CDK6: variants seen among roughly 807,000 people sequenced by gnomAD.
CDK6 encodes the protein cyclin dependent kinase 6, also known as cyclin-dependent kinase 6.
Under a neutral mutation model 37.1 loss-of-function variants are expected in CDK6, and 6 were observed. That is an observed-to-expected ratio of 0.16 (90% CI 0.09 to 0.32). The LOEUF (loss-of-function observed/expected upper bound fraction) is 0.32. Among genes scored for constraint, CDK6 ranks in the 10% least tolerant of loss-of-function variants. CDK6 has a pLI of 1.00. For synonymous variants in CDK6, 160 were observed against 161.3 expected (o/e 0.99, Z 0.06); for missense variants, 224 against 418.9 (o/e 0.53, Z 4.06).
At chr7:92,624,865 C>A (rs1382287159) in intron 5 of CDK6, among the ~76,000 whole-genome samples, 1 of 152,078 alleles carries the variant, frequency 6.6e-6, no homozygotes, top group Non-Finnish European at 1.5e-5. Flanking sequence ...GTACAATTAT[C>A]CCTATTTTCA....
At chr7:92,830,694 G>A (rs539575474) in intron 2 of CDK6, among the ~76,000 whole-genome samples, 1 of 152,286 alleles carries the variant, frequency 6.6e-6, no homozygotes, top group East Asian at 1.9e-4. Context: ...CAAGGCAGAG[G>A]CAGAAGAGAA....
chr7:92,723,412 T>TA (rs910150696), intron 4 of CDK6, among the ~76,000 whole-genome samples: 1 of 152,102 alleles, frequency 6.6e-6, no homozygotes. Context: ...CATAACCCAC[T>TA]AAAAAATGTG....
intron 4 of CDK6, among the ~76,000 whole-genome samples, chr7:92,722,840 A>G (rs1357726894): frequency 6.6e-6 from 1 of 152,206 alleles, no homozygotes; most frequent in Non-Finnish European, 1.5e-5. Context: ...GCCTTCGAGG[A>G]ACTTATGGCC....
intron 2 of CDK6, among the ~76,000 whole-genome samples, chr7:92,824,812 TC>T (rs1205178463): frequency 4.6e-5 from 7 of 152,122 alleles, no homozygotes; most frequent in Non-Finnish European, 7.4e-5. Context: ...TTTCATTTGA[TC>T]AGAGTAAACC....
At chr7:92,829,032 A>C (rs1801408446) in intron 2 of CDK6, among the ~76,000 whole-genome samples, 2 of 152,168 alleles carry the variant, frequency 1.3e-5, no homozygotes, top group African/African-American at 4.8e-5. Flanking sequence ...CACAAATAGC[A>C]ATTTTATTCA....
chr7:92,809,703 T>A (rs1055159530), intron 2 of CDK6, among the ~76,000 whole-genome samples: 1 of 152,170 alleles, frequency 6.6e-6, no homozygotes, highest in Non-Finnish European at 1.5e-5. Flanking sequence ...AAGTATCTAA[T>A]CCAGTGTGAA....
chr7:92,670,518 A>T (rs888652438), intron 5 of CDK6, among the ~76,000 whole-genome samples: 7 of 152,268 alleles, frequency 4.6e-5, no homozygotes, highest in African/African-American at 1.7e-4. Flanking sequence ...TAGAAAAGAA[A>T]AAAAAGATTA....
intron 2 of CDK6, among the ~76,000 whole-genome samples, chr7:92,816,692 A>G (rs1801038488): frequency 6.6e-6 from 1 of 152,068 alleles, no homozygotes; most frequent in Non-Finnish European, 1.5e-5. Flanking sequence ...ATTAAACCCA[A>G]TGTAAGTAGG....
intron 2 of CDK6, among the ~76,000 whole-genome samples, chr7:92,784,330 T>TA (rs1325064444): frequency 6.6e-6 from 1 of 152,090 alleles, no homozygotes. Context: ...CAATACAAAA[T>TA]AGATTTGGAA....
chr7:92,674,567 C>T (rs531915050), intron 4 of CDK6, among the ~76,000 whole-genome samples: 2 of 152,174 alleles, frequency 1.3e-5, no homozygotes, highest in Non-Finnish European at 2.9e-5. Flanking sequence ...ATACTGGGGT[C>T]TAGTTTTAGT....
At chr7:92,625,618 T>C (rs1795911343) in intron 5 of CDK6, among the ~76,000 whole-genome samples, 1 of 151,938 alleles carries the variant, frequency 6.6e-6, no homozygotes, top group Admixed American at 6.6e-5. Context: ...ATAAATTTTC[T>C]CAGGTCAAAT....
intron 3 of CDK6, among the ~76,000 whole-genome samples, chr7:92,729,156 A>G (rs1026192728): frequency 7.2e-5 from 11 of 152,256 alleles, no homozygotes; most frequent in Admixed American, 3.3e-4. Context: ...AAGTGTTTTC[A>G]TCAAAGACAT....
At chr7:92,776,692 G>A (rs2115794989) in intron 2 of CDK6, among the ~76,000 whole-genome samples, 1 of 152,056 alleles carries the variant, frequency 6.6e-6, no homozygotes, top group East Asian at 1.9e-4. Context: ...TATGTTTGTT[G>A]GCCTCATAAA....
chr7:92,832,156 AAAAAG>A (rs1801502502), intron 2 of CDK6, among the ~76,000 whole-genome samples: 1 of 152,220 alleles, frequency 6.6e-6, no homozygotes, highest in Non-Finnish European at 1.5e-5. Context: ...TCTCTGTTTA[AAAAAG>A]AAAAGGATGA....
chr7:92,693,812 C>A (rs1797648629), intron 4 of CDK6, among the ~76,000 whole-genome samples: 1 of 152,028 alleles, frequency 6.6e-6, no homozygotes, highest in Admixed American at 6.6e-5. Flanking sequence ...ATTAAATAGG[C>A]AAGAGAAAAG....
intron 4 of CDK6, among the ~76,000 whole-genome samples, chr7:92,696,356 G>A (rs746919841): frequency 5.9e-5 from 9 of 152,284 alleles, no homozygotes; most frequent in South Asian, 2.1e-4. Context: ...GAGTTTTCCC[G>A]TTATGAAATC....
chr7:92,681,211 T>C (rs1797328378), intron 4 of CDK6, among the ~76,000 whole-genome samples: 3 of 152,082 alleles, frequency 2.0e-5, no homozygotes, highest in South Asian at 4.1e-4. Flanking sequence ...GCTTCAGAGA[T>C]TGTGTAAGAA....
intron 4 of CDK6, among the ~76,000 whole-genome samples, chr7:92,695,265 C>A (rs1488636067): frequency 1.4e-5 from 2 of 145,104 alleles, no homozygotes; most frequent in Non-Finnish European, 3.0e-5. Flanking sequence ...TTAAGGGACC[C>A]TGAGGTAAAA....
At chr7:92,688,843 A>G (rs2052502936) in intron 4 of CDK6, among the ~76,000 whole-genome samples, 1 of 152,160 alleles carries the variant, frequency 6.6e-6, no homozygotes, top group African/African-American at 2.4e-5. Context: ...TTAAGGGGCA[A>G]ACCACATTCC....
Sources: allele counts gnomAD v4.1 joint callset (sites outside exome capture counted in the v4.1 genomes callset), GRCh38; gene constraint gnomAD v4.1.1; transcripts MANE v1.5; gene names NCBI Gene and HGNC (gene_info 2026-07-23, HGNC 2026-07-21).